FBN1: variants seen among roughly 807,000 people sequenced by gnomAD.
FBN1 encodes the protein fibrillin-1.
FBN1 carries 29 observed loss-of-function variants against 365.1 expected under a neutral mutation model. That is an observed-to-expected ratio of 0.08 (90% CI 0.06 to 0.11). The LOEUF is 0.11. Among genes scored for constraint, FBN1 ranks in the 10% least tolerant of loss-of-function variants. FBN1 has a pLI of 1.00. For missense variants in FBN1, 2,476 were observed against 3,703.2 expected, an observed-to-expected ratio of 0.67 and a Z score of 8.60; for synonymous variants, 1,210 against 1,270.5, an observed-to-expected ratio of 0.95 and a Z score of 1.01.
chr15:48,433,454 CCAAA>C (rs1218760407), intron 54 of FBN1, among the ~76,000 whole-genome samples: 5 of 152,150 alleles, frequency 3.3e-5, no homozygotes, highest in African/African-American at 9.7e-5. Flanking sequence ...TCTCTTTCCC[CCAAA>C]CAAAGAGGCT....
At chr15:48,619,955 A>T (rs1459816996) in intron 2 of FBN1, among the ~76,000 whole-genome samples, 1 of 152,112 alleles carries the variant, frequency 6.6e-6, no homozygotes, top group Non-Finnish European at 1.5e-5. Context: ...TGAATGCCAA[A>T]TCAACATGTT....
At chr15:48,632,841 A>G (rs1456083346) in intron 2 of FBN1, among the ~76,000 whole-genome samples, 4 of 152,196 alleles carry the variant, frequency 2.6e-5, no homozygotes, top group Non-Finnish European at 5.9e-5. Context: ...CTCAGATTCC[A>G]GCTAAAACAC....
chr15:48,526,053 A>T, intron 9 of FBN1, 77 bp downstream of exon 9: 1 of 1,580,300 alleles, frequency 6.3e-7, no homozygotes, highest in Non-Finnish European at 8.7e-7. Context: ...TGTGCTCCTT[A>T]ACAAGCTTGT....
chr15:48,641,820 A>T (rs2140781864), intron 2 of FBN1: 1 of 152,368 alleles, frequency 6.6e-6, no homozygotes, highest in Non-Finnish European at 1.5e-5. Flanking sequence ...GGGCACCGTT[A>T]AAGGATTTAT....
intron 15 of FBN1, among the ~76,000 whole-genome samples, chr15:48,507,950 T>A (rs915893528): frequency 2.6e-5 from 4 of 152,096 alleles, no homozygotes; most frequent in African/African-American, 7.2e-5. Context: ...AAAATAAAAA[T>A]CCTCATTTTT....
chr15:48,415,626 G>C lies in FBN1; in HGVS notation c.7961C>G (p.Ser2654Cys). 6.2e-7 allele frequency: 1 copy of C among 1,614,228 alleles called. No individual in the cohort carries two copies. The highest frequency in any genetic ancestry group is 8.5e-7 in the Non-Finnish European group (1 of 1,180,038). Residue 2654 changes from serine (S) to cysteine (C), a missense_variant, in exon 64 of 66, where the codon TCT (serine) becomes TGT (cysteine). Ser to Cys is a moderately radical substitution (Grantham distance 112, BLOSUM62 -1). Around this residue, in one of 5 missense-constraint regions of FBN1, gnomAD observed 1,780 missense variants for 2,840.8 expected, o/e 0.63. Coordinates refer to ENST00000316623, the MANE Select transcript of FBN1 (RefSeq NM_000138.5). Reference protein sequence around the residue: ...GGCQDINECGSAQAPCSYGCS... With the variant: ...GGCQDINECGCAQAPCSYGCS... ...GCCATAGCTGCAGGGGGCCTGCGCA[G>C]AGCCACATTCATTGATGTCTTGGCA...
intron 4 of FBN1, among the ~76,000 whole-genome samples, chr15:48,602,275 C>T (rs369963827): frequency 5.9e-5 from 9 of 152,128 alleles, no homozygotes; most frequent in East Asian, 3.9e-4. Flanking sequence ...TTTCCAATTA[C>T]TTCATATTTC....
chr15:48,452,145 C>T (rs1028371000), intron 45 of FBN1, among the ~76,000 whole-genome samples: 1 of 152,156 alleles, frequency 6.6e-6, no homozygotes, highest in Non-Finnish European at 1.5e-5. Flanking sequence ...TTGGGGTATG[C>T]AGCCAAGATG....
intron 24 of FBN1, among the ~76,000 whole-genome samples, chr15:48,491,392 C>T (rs2043557148): frequency 6.6e-6 from 1 of 150,852 alleles, no homozygotes; most frequent in Non-Finnish European, 1.5e-5. Flanking sequence ...ACTCTTTTGC[C>T]TAGGCCGGAC....
chr15:48,422,592 C>T (rs2042952219), intron 60 of FBN1, among the ~76,000 whole-genome samples: 1 of 152,084 alleles, frequency 6.6e-6, no homozygotes, highest in Admixed American at 6.5e-5. Flanking sequence ...TTAGGATAAA[C>T]CAAAATTGAG....
chr15:48,596,143 C>G (rs538382120), intron 6 of FBN1, 140 bp downstream of exon 6: 1 of 762,202 alleles, frequency 1.3e-6, no homozygotes, highest in African/African-American at 1.7e-5. Flanking sequence ...ATCCTAGGGA[C>G]CTTCCCAATG....
At chr15:48,432,802 G>A (rs2043033808) in intron 55 of FBN1, 64 bp downstream of exon 55, 1 of 1,598,612 alleles carries the variant, frequency 6.3e-7, no homozygotes, top group Non-Finnish European at 8.6e-7. Flanking sequence ...GGGAAGCTTT[G>A]AGGGACATCT....
At chr15:48,566,913 T>A (rs902807631) in intron 6 of FBN1, among the ~76,000 whole-genome samples, 8 of 152,192 alleles carry the variant, frequency 5.3e-5, no homozygotes, top group African/African-American at 1.9e-4. Flanking sequence ...TCTGCATTGT[T>A]TTTCATAGCC....
In FBN1 at chr15:48,503,763, G is replaced by A. The variant is rs760075646; in HGVS notation, c.2113+24C>T. 19 of 1,612,944 alleles carry A rather than the reference G, an allele frequency of 1.2e-5. No homozygotes were observed. In the South Asian group the frequency reaches 1.6e-4, roughly 14 times the overall value. Reference sequence around the variant, plus strand: ...TGGTGGCAGAAGGCTGGCAGTACGAGGGCATCTCCATGATACCACATACCT... The same window carrying A: ...TGGTGGCAGAAGGCTGGCAGTACGAAGGCATCTCCATGATACCACATACCT... On this transcript the variant is annotated intron_variant, in intron 17 of 65. Coordinates refer to ENST00000316623, the MANE Select transcript of FBN1 (RefSeq NM_000138.5).
At chr15:48,422,115 G>C in intron 60 of FBN1, 47 bp from the exon 61 acceptor site, 3 of 1,334,676 alleles carry the variant, frequency 2.2e-6, no homozygotes, top group Non-Finnish European at 3.2e-6. Context: ...CAACAAAACA[G>C]GATCAGGGAA....
intron 62 of FBN1, among the ~76,000 whole-genome samples, 182 bp from the exon 63 acceptor site, chr15:48,420,988 CAAAGTCTACAAATA>C (rs1467388391): frequency 2.0e-5 from 3 of 152,114 alleles, no homozygotes; most frequent in Non-Finnish European, 4.4e-5. Context: ...AGAGCCCTGG[CAAAGTCTACAAATA>C]AAAATTGTCA....
intron 50 of FBN1, among the ~76,000 whole-genome samples, chr15:48,440,899 T>TAAA (rs146628631): frequency 2.2e-4 from 29 of 133,876 alleles, no homozygotes; most frequent in Non-Finnish European, 3.1e-4. Flanking sequence ...CAAAAAACCA[T>TAAA]GAAAAAAAAA....
chr15:48,497,492 C>A, intron 18 of FBN1, 101 bp from the exon 19 acceptor site: 1 of 1,162,768 alleles, frequency 8.6e-7, no homozygotes, highest in South Asian at 1.3e-5. Context: ...ACCTTAGGAG[C>A]TACAGGAGGA....
chr15:48,478,636 A>G (rs2043442739), intron 32 of FBN1, among the ~76,000 whole-genome samples: 1 of 152,156 alleles, frequency 6.6e-6, no homozygotes, highest in Non-Finnish European at 1.5e-5. Context: ...GAAAAATTGT[A>G]ATCCAGCCCA....
Sources: gnomAD v4.1 joint callset for allele counts (sites outside exome capture counted in the v4.1 genomes callset) on GRCh38, gnomAD v4.1.1 for gene constraint, gnomAD v4.1.1 regional missense constraint, MANE v1.5 for transcripts, NCBI Gene and HGNC (gene_info 2026-07-23, HGNC 2026-07-21) for gene names.